NCKAP5: variants seen among roughly 807,000 people sequenced by gnomAD.
NCKAP5 encodes NCK associated protein 5, also known as nck-associated protein 5.
NCKAP5 carries 92 observed loss-of-function variants against 167.0 expected under a neutral mutation model. The ratio of observed to expected loss-of-function variants is 0.55; its 90% CI spans 0.47 to 0.66. The LOEUF is 0.66. Among genes scored for constraint, NCKAP5 ranks in the 30% least tolerant of loss-of-function variants. NCKAP5 has a pLI of 0.00. For synonymous variants in NCKAP5, 891 were observed against 877.4 expected, an observed-to-expected ratio of 1.02 and a Z score of -0.27; for missense variants, 2,378 against 2,315.0, an observed-to-expected ratio of 1.03 and a Z score of -0.56.
At chr2:133,232,903 C>T (rs895831906) in intron 4 of NCKAP5, among the ~76,000 whole-genome samples, 3 of 152,128 alleles carry the variant, frequency 2.0e-5, no homozygotes, top group Non-Finnish European at 4.4e-5. Flanking sequence ...ATGTCTCCTT[C>T]TATATAATCT....
At chr2:133,321,435 C>T (rs192506057) in intron 3 of NCKAP5, among the ~76,000 whole-genome samples, 1 of 152,152 alleles carries the variant, frequency 6.6e-6, no homozygotes, top group African/African-American at 2.4e-5. Flanking sequence ...GTTGTCTTTA[C>T]ACATAGGATC....
chr2:133,359,428 A>G (rs1301140022), intron 3 of NCKAP5, among the ~76,000 whole-genome samples: 1 of 152,146 alleles, frequency 6.6e-6, no homozygotes, highest in Non-Finnish European at 1.5e-5. Flanking sequence ...GTTGCTATGG[A>G]GATTTTGTGT....
intron 19 of NCKAP5, among the ~76,000 whole-genome samples, chr2:132,703,176 G>A (rs1327847834): frequency 1.3e-5 from 2 of 152,062 alleles, no homozygotes; most frequent in Admixed American, 6.6e-5. Flanking sequence ...GTGAGACCCT[G>A]TCTCTAAAAG....
chr2:132,815,750 C>T (rs2105291283), intron 11 of NCKAP5, among the ~76,000 whole-genome samples: 1 of 152,344 alleles, frequency 6.6e-6, no homozygotes, highest in East Asian at 1.9e-4. Context: ...TCAAGCTCTA[C>T]ATTGGAGCAA....
intron 6 of NCKAP5, among the ~76,000 whole-genome samples, chr2:133,008,684 G>C (rs2078053537): frequency 6.6e-6 from 1 of 152,064 alleles, no homozygotes; most frequent in Non-Finnish European, 1.5e-5. Flanking sequence ...TTGATCTTTA[G>C]GAACACTGGA....
intron 8 of NCKAP5, among the ~76,000 whole-genome samples, chr2:132,892,512 G>A (rs1179664912): frequency 6.6e-6 from 1 of 152,108 alleles, no homozygotes; most frequent in African/African-American, 2.4e-5. Flanking sequence ...GGTTTTAGAA[G>A]CCTCACAGAG....
rs1370886881 is a variant in NCKAP5, at chr2:132,782,734, G to A, written c.4077C>T (p.Ser1359=). The change falls in exon 14 of 20, where the codon AGC becomes AGT. Residue 1359 remains serine (S), a synonymous_variant. Transcript: ENST00000409261. ...KGSLGSSGSF[S]SQHGSPSKLP... is the part of the protein sequence containing the mutation. ...ACTTACTTGGGCTCCCATGCTGACTGCTGAAGCTGCCTGAGCTCCCCAGGG... is the reference window on the plus strand; with the variant it reads ...ACTTACTTGGGCTCCCATGCTGACTACTGAAGCTGCCTGAGCTCCCCAGGG... 2.5e-6 allele frequency: 4 copies of A among 1,613,874 alleles called. No individual in the cohort carries two copies. Among genetic ancestry groups the A allele is most frequent in the African/African-American group, 2.7e-5 (2 of 74,936 alleles).
the NCKAP5 span, among the ~76,000 whole-genome samples, chr2:133,646,255 ATC>A: frequency 6.6e-5 from 10 of 152,100 alleles, no homozygotes; most frequent in Non-Finnish European, 1.0e-4. Context: ...TAAAACCACT[ATC>A]TTATTCCCAC....
At chr2:133,172,202 G>A (rs2084277349) in intron 5 of NCKAP5, among the ~76,000 whole-genome samples, 1 of 152,120 alleles carries the variant, frequency 6.6e-6, no homozygotes, top group Non-Finnish European at 1.5e-5. Context: ...GCAAACAAAA[G>A]TATATGTTGA....
At chr2:132,693,625 T>TTG (rs1687022306) in intron 19 of NCKAP5, among the ~76,000 whole-genome samples, 1 of 141,388 alleles carries the variant, frequency 7.1e-6, no homozygotes, top group Admixed American at 7.0e-5. Context: ...CCGCCTTTTT[T>TTG]TTTTTTTTTT....
chr2:132,945,285 C>T (rs560428826), intron 8 of NCKAP5, among the ~76,000 whole-genome samples: 13 of 88,994 alleles, frequency 1.5e-4, no homozygotes, highest in South Asian at 7.3e-4. Context: ...TAAGGTGAGG[C>T]GGGGGCAGGG....
chr2:133,106,634 T>C (rs892192758), intron 6 of NCKAP5, among the ~76,000 whole-genome samples: 17 of 152,218 alleles, frequency 1.1e-4, no homozygotes, highest in Non-Finnish European at 2.2e-4. Flanking sequence ...ACTTTCTTCT[T>C]CTTCTTGAAT....
intron 6 of NCKAP5, among the ~76,000 whole-genome samples, chr2:132,999,844 T>G (rs4954021): frequency 6.6e-6 from 1 of 151,906 alleles, no homozygotes; most frequent in Non-Finnish European, 1.5e-5. Context: ...CTATATTCAG[T>G]TATTTAGTTG....
chr2:133,268,993 G>A (rs1235142131), intron 4 of NCKAP5: 4 of 152,168 alleles, frequency 2.6e-5, no homozygotes, highest in Non-Finnish European at 4.4e-5. Context: ...GAAGAGTTGA[G>A]CCGAGTGTCA....
chr2:133,212,740 G>T (rs2086263961), intron 5 of NCKAP5, among the ~76,000 whole-genome samples: 3 of 152,128 alleles, frequency 2.0e-5, no homozygotes, highest in African/African-American at 7.2e-5. Flanking sequence ...AATAAACACT[G>T]TGATCACCTT....
At chr2:133,574,994 C>T in the NCKAP5 span, among the ~76,000 whole-genome samples, 317 of 152,256 alleles carry the variant, frequency 2.1e-3, 1 homozygote, top group African/African-American at 7.3e-3. Flanking sequence ...TTGCCTTGGC[C>T]TGACAAAGAG....
At chr2:132,878,580 C>G (rs1486198180) in intron 9 of NCKAP5, among the ~76,000 whole-genome samples, 1 of 150,718 alleles carries the variant, frequency 6.6e-6, no homozygotes, top group Non-Finnish European at 1.5e-5. Flanking sequence ...ATACAGATGC[C>G]TGGATAAGGA....
chr2:132,728,140 C>G (rs924312268), intron 18 of NCKAP5, among the ~76,000 whole-genome samples: 1 of 152,092 alleles, frequency 6.6e-6, no homozygotes, highest in Non-Finnish European at 1.5e-5. Flanking sequence ...CACCCCAGGA[C>G]GAGTGGTGAA....
chr2:133,251,394 C>A (rs938879733), intron 4 of NCKAP5, among the ~76,000 whole-genome samples: 3 of 152,028 alleles, frequency 2.0e-5, no homozygotes, highest in Non-Finnish European at 4.4e-5. Flanking sequence ...TTTACCCAGA[C>A]CCTAAAACTG....
Sources: allele counts gnomAD v4.1 joint callset (sites outside exome capture counted in the v4.1 genomes callset), GRCh38; gene constraint gnomAD v4.1.1; transcripts MANE v1.5; gene names NCBI Gene and HGNC (gene_info 2026-07-23, HGNC 2026-07-21).